The following A4GALT variants were observed in gnomAD, a reference collection of about 807,000 sequenced individuals.
The protein encoded by A4GALT is alpha 1,4-galactosyltransferase (P1PK blood group), also known as lactosylceramide 4-alpha-galactosyltransferase.
For synonymous variants in A4GALT, 257 were observed against 220.7 expected (o/e 1.16, Z -1.46); for missense variants, 512 against 486.0 (o/e 1.05, Z -0.50).
chr22:42,696,289 G>A (rs1470590165), intron 1 of A4GALT, among the ~76,000 whole-genome samples: 3 of 151,358 alleles, frequency 2.0e-5, no homozygotes, highest in African/African-American at 7.3e-5. Flanking sequence ...GCATGGTGGC[G>A]CATGCCTGTA....
chr22:42,717,285 G>C (rs1922272272), intron 1 of A4GALT, among the ~76,000 whole-genome samples: 1 of 152,154 alleles, frequency 6.6e-6, no homozygotes, highest in African/African-American at 2.4e-5. Flanking sequence ...CTTGTGGTTG[G>C]TATGTGGACA....
chr22:42,702,784 A>C (rs1920931578), intron 1 of A4GALT, among the ~76,000 whole-genome samples: 2 of 143,460 alleles, frequency 1.4e-5, no homozygotes, highest in South Asian at 4.2e-4. Flanking sequence ...TGGAACGCCC[A>C]CCGGGTTCCT....
intron 1 of A4GALT, among the ~76,000 whole-genome samples, chr22:42,704,320 A>G (rs1920955717): frequency 2.6e-5 from 4 of 151,678 alleles, no homozygotes; most frequent in African/African-American, 9.7e-5. Flanking sequence ...ATCTCTACTA[A>G]AAAATACAAA....
chr22:42,709,418 T>C (rs1446170122), intron 1 of A4GALT, among the ~76,000 whole-genome samples: 1 of 152,008 alleles, frequency 6.6e-6, no homozygotes, highest in African/African-American at 2.4e-5. Context: ...AGAATATCCT[T>C]CTGACCAATT....
At chr22:42,708,880 G>C (rs1265960081) in intron 1 of A4GALT, among the ~76,000 whole-genome samples, 1 of 151,176 alleles carries the variant, frequency 6.6e-6, no homozygotes, top group Non-Finnish European at 1.5e-5. Context: ...AGAAGACATA[G>C]CTAATCTACA....
intron 2 of A4GALT, among the ~76,000 whole-genome samples, chr22:42,694,270 T>C (rs3788595): frequency 6.6e-6 from 1 of 152,312 alleles, no homozygotes; most frequent in East Asian, 1.9e-4. Flanking sequence ...GTGCCACCCA[T>C]GGTGTGTAAC....
intron 1 of A4GALT, among the ~76,000 whole-genome samples, chr22:42,709,889 A>T (rs1187363609): frequency 6.6e-6 from 1 of 152,228 alleles, no homozygotes; most frequent in South Asian, 2.1e-4. Flanking sequence ...GAAATCATGA[A>T]TATAATTCAT....
At chr22:42,713,981 AAAAAAT>A (rs991340006) in intron 1 of A4GALT, among the ~76,000 whole-genome samples, 4 of 151,324 alleles carry the variant, frequency 2.6e-5, no homozygotes, top group African/African-American at 9.7e-5. Flanking sequence ...TCATCTCTAC[AAAAAAT>A]AAAAATAAAA....
rs534351689 is a variant in A4GALT at position 42,712,141 on chromosome 22, G to A, written c.-188+8656C>T. Among the ~76,000 whole-genome samples, 16 of 152,270 alleles carry A rather than the reference G, an allele frequency of 1.1e-4. No individual in the cohort carries two copies. The South Asian group carries it at 2.1e-3, about 20-fold the overall frequency. ...CTGACTACTTGCCAGTCCCAAGAGC[G>A]CCTTTCTTCCTTCCCTGAGGCCACC... On this transcript the variant is annotated intron_variant, in intron 1 of 2. Coordinates refer to ENST00000642412, the MANE Select transcript of A4GALT (RefSeq NM_017436.7).
chr22:42,703,057 C>CTCTGTGTGTGTG lies in A4GALT; in HGVS notation c.-187-7427_-187-7426insCACACACACAGA, dbSNP rs753250465. Reference sequence around the variant, plus strand: ...GCCTTGGCTGGCACATGCTGCCCTGCTGTGTGTGTGTGTGTGTGTGTGTGT... The same window carrying CTCTGTGTGTGTG: ...GCCTTGGCTGGCACATGCTGCCCTGCTCTGTGTGTGTGTGTGTGTGTGTGTGTGTGTGTGTGT... On this transcript the variant is annotated intron_variant, in intron 1 of 2. Coordinates refer to ENST00000642412, the MANE Select transcript of A4GALT (RefSeq NM_017436.7). Among the ~76,000 whole-genome samples, 1,239 of 134,410 alleles carry CTCTGTGTGTGTG rather than the reference C, an allele frequency of 9.2e-3. 86 individuals carry two copies. The highest frequency in any genetic ancestry group is 0.036 in the African/African-American group (1,129 of 31,026). 88.2% of individuals were successfully genotyped at this position (134,410 alleles called of 152,430 possible).
chr22:42,698,544 C>T (rs1931091665), intron 1 of A4GALT, among the ~76,000 whole-genome samples: 1 of 152,252 alleles, frequency 6.6e-6, no homozygotes, highest in Non-Finnish European at 1.5e-5. Flanking sequence ...GGAGTCCGCA[C>T]TGAGCCCTCC....
chr22:42,701,445 G>T (rs1428073470), intron 1 of A4GALT, among the ~76,000 whole-genome samples: 1 of 152,190 alleles, frequency 6.6e-6, no homozygotes, highest in Admixed American at 6.5e-5. Context: ...GAGTCCCCAT[G>T]ACCCTAAGGT....
chr22:42,709,874 A>G (rs1252560065), intron 1 of A4GALT, among the ~76,000 whole-genome samples: 1 of 152,210 alleles, frequency 6.6e-6, no homozygotes, highest in African/African-American at 2.4e-5. Flanking sequence ...GTTCAACATA[A>G]TTAGGAAATC....
intron 1 of A4GALT, among the ~76,000 whole-genome samples, chr22:42,719,133 G>A (rs1203444953): frequency 6.6e-6 from 1 of 152,190 alleles, no homozygotes; most frequent in Admixed American, 6.5e-5. Flanking sequence ...ACACGAACTG[G>A]AAATTAATGG....
chr22:42,709,911 G>A (rs1295794823), intron 1 of A4GALT, among the ~76,000 whole-genome samples: 2 of 152,136 alleles, frequency 1.3e-5, no homozygotes, highest in African/African-American at 4.8e-5. Flanking sequence ...ATATTAAATA[G>A]ATCTAAGCAG....
intron 1 of A4GALT, among the ~76,000 whole-genome samples, chr22:42,709,074 T>C (rs201420672): frequency 6.9e-6 from 1 of 145,780 alleles, no homozygotes; most frequent in African/African-American, 2.5e-5. Flanking sequence ...TATATTTTTT[T>C]TAAGACAGGG....
chr22:42,694,800 G>A (rs774017163), intron 2 of A4GALT: 11 of 152,182 alleles, frequency 7.2e-5, no homozygotes, highest in Admixed American at 5.2e-4. Context: ...TAGGACGCTG[G>A]AACCCACTAA....
At chr22:42,706,581 G>C (rs6002917) in intron 1 of A4GALT, among the ~76,000 whole-genome samples, 52 of 152,052 alleles carry the variant, frequency 3.4e-4, no homozygotes, top group African/African-American at 1.1e-3. Context: ...GATCACCTGA[G>C]GTCAGGAGTT....
Position 42,693,750 on chromosome 22 carries a change from T to TGGGGGGTGGGGGGGG in A4GALT, c.201_202insCCCCCCCCACCCCCC (p.Pro67_Thr68insProProProProPro). The TGGGGGGTGGGGGGGG allele has an allele frequency of 2.6e-6, 1 of 391,454 alleles. No homozygotes were observed. The highest frequency in any genetic ancestry group is 4.3e-6 in the Non-Finnish European group (1 of 232,110). The allele number at this position is 391,454 out of a possible 1,614,324, so 24.2% of individuals were successfully genotyped here. On this transcript the variant is annotated inframe_insertion, in exon 3 of 3. Transcript: ENST00000642412. ...GGAGTGGGGCCGTGGGAGGGTGGGGTGGGGGGTGTCAAGGTGGGGCAGGGG... is the reference window on the plus strand; with the variant it reads ...GGAGTGGGGCCGTGGGAGGGTGGGGTGGGGGGTGGGGGGGGGGGGGGTGTCAAGGTGGGGCAGGGG...
Sources: gnomAD v4.1 joint callset for allele counts (sites outside exome capture counted in the v4.1 genomes callset) on GRCh38, gnomAD v4.1.1 for gene constraint, MANE v1.5 for transcripts, NCBI Gene and HGNC (gene_info 2026-07-23, HGNC 2026-07-21) for gene names.